TBC1D32: variants seen among roughly 807,000 people sequenced by gnomAD.
TBC1D32 encodes the protein protein broad-minded.
A neutral mutation model predicts 170.3 loss-of-function variants in TBC1D32; 151 were observed. That is an observed-to-expected ratio of 0.89 (90% CI 0.78 to 1.01). The LOEUF is 1.01. TBC1D32 is among the 50% of genes least tolerant of loss of function. TBC1D32 has a pLI of 0.00. For synonymous variants in TBC1D32, 498 were observed against 488.0 expected (o/e 1.02, Z -0.27); for missense variants, 1,464 against 1,457.1 (o/e 1.00, Z -0.08).
intron 24 of TBC1D32, among the ~76,000 whole-genome samples, chr6:121,159,540 ATCC>A (rs1785342649): frequency 6.6e-6 from 1 of 152,186 alleles, no homozygotes; most frequent in East Asian, 1.9e-4. Flanking sequence ...TGAGAATTGC[ATCC>A]TCAAGCAATT....
At chr6:121,159,645 C>T (rs141819972) in intron 24 of TBC1D32, among the ~76,000 whole-genome samples, 1 of 152,186 alleles carries the variant, frequency 6.6e-6, no homozygotes, top group East Asian at 1.9e-4. Flanking sequence ...TAGCCTATTG[C>T]TCCTAGGCTA....
At chr6:121,111,548 T>C (rs1388105639) in intron 29 of TBC1D32, among the ~76,000 whole-genome samples, 1 of 152,190 alleles carries the variant, frequency 6.6e-6, no homozygotes, top group Admixed American at 6.5e-5. Flanking sequence ...GTTCTACTGA[T>C]TGCAGAAAAA....
At chr6:121,099,831 T>C (rs1191261838) in intron 30 of TBC1D32, among the ~76,000 whole-genome samples, 1 of 151,934 alleles carries the variant, frequency 6.6e-6, no homozygotes, top group Non-Finnish European at 1.5e-5. Context: ...GAAGTGGTTG[T>C]TATTAAATAA....
chr6:121,308,231 C>T lies in TBC1D32; in HGVS notation c.565-130G>A, dbSNP rs902178196. 7.9e-6 allele frequency: 7 copies of T among 882,466 alleles called. No individual in the cohort carries two copies. In the African/African-American group the frequency reaches 1.2e-4, roughly 15 times the overall value. 54.7% of individuals were successfully genotyped at this position (882,466 alleles called of 1,614,324 possible). On this transcript the variant is annotated intron_variant, in intron 4 of 31. Coordinates refer to ENST00000398212, the MANE Select transcript of TBC1D32 (RefSeq NM_152730.6). Reference sequence around the variant, plus strand: ...TTATAAAGAATGATTTATCAGATGCCTTTATATTAAAAAGCTCTTGAGAAA... The same window carrying T: ...TTATAAAGAATGATTTATCAGATGCTTTTATATTAAAAAGCTCTTGAGAAA...
chr6:121,103,168 C>T (rs1402648436), intron 30 of TBC1D32, among the ~76,000 whole-genome samples: 1 of 152,096 alleles, frequency 6.6e-6, no homozygotes, highest in Admixed American at 6.6e-5. Flanking sequence ...TTGTGGAAGA[C>T]AGTGTGGCAA....
At chr6:121,214,641 G>C (rs1203343018) in intron 21 of TBC1D32, among the ~76,000 whole-genome samples, 4 of 152,196 alleles carry the variant, frequency 2.6e-5, no homozygotes, top group African/African-American at 9.6e-5. Context: ...GAGCCCCAAA[G>C]AGGGTGTCAC....
chr6:121,275,510 A>G (rs569515769), intron 15 of TBC1D32, among the ~76,000 whole-genome samples: 1 of 152,346 alleles, frequency 6.6e-6, no homozygotes, highest in Admixed American at 6.5e-5. Flanking sequence ...CAGTGAGATG[A>G]CACATGAAAT....
chr6:121,183,604 T>A (rs2128276977), intron 22 of TBC1D32, among the ~76,000 whole-genome samples: 1 of 152,232 alleles, frequency 6.6e-6, no homozygotes, highest in African/African-American at 2.4e-5. Context: ...CACATAAGTA[T>A]GATCTTACAC....
At position 121,232,795 on chromosome 6, in the gene TBC1D32, A is replaced by G. The variant is rs912982003; in HGVS notation, c.2364+6275T>C. ...GGATTATTCTTGTTTCTCTAGTTCC[A>G]TGAGTTGTGACATTTGATTGTATAT... On this transcript the variant is annotated intron_variant, in intron 20 of 31. Transcript: ENST00000398212. Among the ~76,000 whole-genome samples the G allele has an allele frequency of 3.6e-4, 54 of 151,852 alleles. 1 individual carries two copies. The highest frequency in any genetic ancestry group is 2.9e-5 in the Non-Finnish European group (2 of 67,918).
intron 15 of TBC1D32, among the ~76,000 whole-genome samples, chr6:121,267,683 G>A (rs1267975164): frequency 6.6e-6 from 1 of 152,142 alleles, no homozygotes; most frequent in African/African-American, 2.4e-5. Flanking sequence ...GCCACCTCTG[G>A]GGACAGGGCA....
intron 22 of TBC1D32, among the ~76,000 whole-genome samples, chr6:121,173,434 C>A (rs769791487): frequency 1.1e-4 from 17 of 151,838 alleles, no homozygotes; most frequent in Admixed American, 4.6e-4. Context: ...CTCTAAAGAA[C>A]CCTGACCAAT....
intron 22 of TBC1D32, among the ~76,000 whole-genome samples, chr6:121,192,798 G>A (rs151232313): frequency 0.011 from 1,705 of 148,848 alleles, 7 homozygotes; most frequent in Middle Eastern, 0.031. Context: ...CCCCAGTAGT[G>A]GCAACATCTC....
At chr6:121,159,020 T>TC (rs1458381427) in intron 24 of TBC1D32, among the ~76,000 whole-genome samples, 11 of 152,214 alleles carry the variant, frequency 7.2e-5, no homozygotes, top group African/African-American at 2.7e-4. Flanking sequence ...ACCACAGTTC[T>TC]CTGACTATAA....
chr6:121,137,652 G>A (rs772062028), intron 24 of TBC1D32, among the ~76,000 whole-genome samples: 7 of 151,532 alleles, frequency 4.6e-5, no homozygotes, highest in African/African-American at 7.3e-5. Flanking sequence ...TTTATATTTG[G>A]GGATATTATA....
At chr6:121,209,934 A>C (rs1423431027) in intron 21 of TBC1D32, among the ~76,000 whole-genome samples, 1 of 152,194 alleles carries the variant, frequency 6.6e-6, no homozygotes, top group African/African-American at 2.4e-5. Flanking sequence ...AACTAATTCA[A>C]TTTGCATCTT....
At chr6:121,240,748 C>A (rs1036112293) in intron 19 of TBC1D32, among the ~76,000 whole-genome samples, 2 of 151,468 alleles carry the variant, frequency 1.3e-5, no homozygotes, top group Admixed American at 1.3e-4. Context: ...ATTAGCCAGG[C>A]GTGGTGGTGG....
intron 24 of TBC1D32, among the ~76,000 whole-genome samples, chr6:121,159,696 A>C (rs928048916): frequency 6.6e-6 from 1 of 152,154 alleles, no homozygotes; most frequent in Non-Finnish European, 1.5e-5. Flanking sequence ...TACTGTAGGC[A>C]ATTATAGCAC....
At chr6:121,213,094 T>C (rs1037157377) in intron 21 of TBC1D32, among the ~76,000 whole-genome samples, 3 of 152,116 alleles carry the variant, frequency 2.0e-5, no homozygotes, top group African/African-American at 4.8e-5. Flanking sequence ...GCCAACATCA[T>C]ACCATTCAGG....
chr6:121,252,817 A>G (rs1321866244), intron 17 of TBC1D32, among the ~76,000 whole-genome samples: 7 of 152,146 alleles, frequency 4.6e-5, no homozygotes, highest in Admixed American at 2.6e-4. Context: ...CTTACAGCCA[A>G]CTGATCTTCA....
Sources: allele counts gnomAD v4.1 joint callset (sites outside exome capture counted in the v4.1 genomes callset), GRCh38; gene constraint gnomAD v4.1.1; transcripts MANE v1.5; gene names NCBI Gene and HGNC (gene_info 2026-07-23, HGNC 2026-07-21).